Variants in BIN1 observed in about 807,000 individuals in gnomAD.
BIN1 encodes myc box-dependent-interacting protein 1.
Under a neutral mutation model 82.0 loss-of-function variants are expected in BIN1, and 53 were observed. The ratio of observed to expected loss-of-function variants is 0.65; its 90% CI spans 0.52 to 0.81. The LOEUF (loss-of-function observed/expected upper bound fraction) is 0.81, where lower values mean the gene tolerates loss of function less well. Among genes scored for constraint, BIN1 ranks in the 40% least tolerant of loss-of-function variants. The pLI, the probability that BIN1 is intolerant of heterozygous loss-of-function variation, is 0.00. For missense variants in BIN1, 642 were observed against 784.4 expected (o/e 0.82, Z 2.17); for synonymous variants, 302 against 328.0 (o/e 0.92, Z 0.86).
In BIN1 at chr2:127,082,502, A is replaced by G. The variant is rs2105201835; in HGVS notation, c.85-5796T>C. Among the ~76,000 whole-genome samples the G allele has an allele frequency of 6.6e-6, 1 of 152,074 alleles. No homozygotes were observed. Among genetic ancestry groups the G allele is most frequent in the Non-Finnish European group, 1.5e-5 (1 of 67,964 alleles). ...CCATGGTGGGCGCCCAGGCAGGGGAAGGGGTACAAGGCCCTCTGCCTCCCC... is the reference window on the plus strand; with the variant it reads ...CCATGGTGGGCGCCCAGGCAGGGGAGGGGGTACAAGGCCCTCTGCCTCCCC... On this transcript the variant is annotated intron_variant, in intron 1 of 18. Coordinates refer to ENST00000316724, the MANE Select transcript of BIN1 (RefSeq NM_139343.3). The surrounding 1 kb of genome is among the most constrained non-coding windows in gnomAD (Gnocchi z 6.1).
Position 127,062,216 on chromosome 2 carries a change from G to A in BIN1, c.775-19C>T, listed in dbSNP as rs943558513. Reference sequence around the variant, plus strand: ...GGTTGAGCTGCAGGAGAGACAGTGAGGAGGTGGGGGGCCTCCAAGGCCACC... The same window carrying A: ...GGTTGAGCTGCAGGAGAGACAGTGAAGAGGTGGGGGGCCTCCAAGGCCACC... On this transcript the variant is annotated intron_variant, in intron 9 of 18. Transcript: ENST00000316724. The A allele has an allele frequency of 1.9e-6, 3 of 1,589,100 alleles. No individual in the cohort carries two copies. Among genetic ancestry groups the A allele is most frequent in the Non-Finnish European group, 2.6e-6 (3 of 1,166,960 alleles).
At chr2:127,064,042 C>T (rs1274900299) in intron 7 of BIN1, 24 bp from the exon 8 acceptor site, 1 of 1,613,602 alleles carries the variant, frequency 6.2e-7, no homozygotes. Context: ...CGGGTCATTC[C>T]CCTCTGTTGG....
chr2:127,056,807 C>G (rs1273292871), intron 12 of BIN1, among the ~76,000 whole-genome samples: 3 of 152,254 alleles, frequency 2.0e-5, no homozygotes, highest in African/African-American at 7.2e-5. Context: ...CCAGCCCGAC[C>G]TCCACCATGA....
At chr2:127,091,847 T>C (rs1442962967) in intron 1 of BIN1, among the ~76,000 whole-genome samples, 1 of 152,006 alleles carries the variant, frequency 6.6e-6, no homozygotes, top group Non-Finnish European at 1.5e-5. Flanking sequence ...CAGCAAGCTA[T>C]GATTGTGCCA....
intron 11 of BIN1, among the ~76,000 whole-genome samples, chr2:127,058,539 C>T (rs1486239946): frequency 7.3e-6 from 1 of 136,334 alleles, no homozygotes; most frequent in Non-Finnish European, 1.5e-5. Flanking sequence ...ACCCCACACC[C>T]TCCTCTGAGC....
chr2:127,072,782 A>T (rs1474262228), intron 2 of BIN1, among the ~76,000 whole-genome samples: 1 of 152,200 alleles, frequency 6.6e-6, no homozygotes, highest in Non-Finnish European at 1.5e-5. Flanking sequence ...ACCTCCCTGG[A>T]ATTCCATCAG....
In BIN1 at chr2:127,062,114, C is replaced by T. The variant is rs112631410; in HGVS notation, c.857+1G>A. The stretch of plus-strand genomic sequence containing the variant: ...GGCGCCAGGGCTCTCCCCGCACGCA[C>T]CTGGGCTGGGCCTTGACCGTGAAGG... On this transcript the variant is annotated splice_donor_variant, in intron 10 of 18. Coordinates refer to ENST00000316724, the MANE Select transcript of BIN1 (RefSeq NM_139343.3). LOFTEE classifies it high-confidence loss of function. 6.2e-7 allele frequency: 1 copy of T among 1,605,620 alleles called. No individual in the cohort carries two copies. The highest frequency in any genetic ancestry group is 8.5e-7 in the Non-Finnish European group (1 of 1,176,462).
chr2:127,068,405 A>AG lies in BIN1; in HGVS notation c.520-151dup, dbSNP rs1418857212. 3 of 502,518 alleles carry AG rather than the reference A, an allele frequency of 6.0e-6. No homozygotes were observed. Among genetic ancestry groups the AG allele is most frequent in the African/African-American group, 2.0e-5 (1 of 49,984 alleles). The allele number at this position is 502,518 out of a possible 1,614,324, so 31.1% of individuals were successfully genotyped here. A position where few individuals can be genotyped will look rare whatever the true frequency, so the allele number is the denominator to read the frequency against. On this transcript the variant is annotated intron_variant, in intron 6 of 18. Transcript: ENST00000316724. The surrounding 1 kb of genome is among the most constrained non-coding windows in gnomAD (Gnocchi z 4.9). ...ATGGGCCCTTGAGGCCGAGAGAATT[A>AG]GGGGGAGCCCGGGGGGTAAGGAAAG...
At chr2:127,079,275 C>T (rs1444599281) in intron 1 of BIN1, among the ~76,000 whole-genome samples, 1 of 152,260 alleles carries the variant, frequency 6.6e-6, no homozygotes, top group East Asian at 1.9e-4. Flanking sequence ...CAGCTACTCT[C>T]TGAGCCTCAA....
chr2:127,098,994 G>A (rs552706822), intron 1 of BIN1, among the ~76,000 whole-genome samples: 1 of 152,344 alleles, frequency 6.6e-6, no homozygotes, highest in East Asian at 1.9e-4. Flanking sequence ...ACGGGGGAGT[G>A]TGATGAGGAG....
chr2:127,079,478 G>A (rs78827667), intron 1 of BIN1, among the ~76,000 whole-genome samples: 12 of 152,282 alleles, frequency 7.9e-5, no homozygotes, highest in Admixed American at 5.2e-4. Context: ...CCAGGCTGAC[G>A]GCATCCCAAG....
At chr2:127,056,605 T>C (rs889515616) in intron 12 of BIN1, 2 of 152,292 alleles carry the variant, frequency 1.3e-5, no homozygotes, top group African/African-American at 4.8e-5. Context: ...TGGACAGCCT[T>C]CCCTACAGGC....
chr2:127,092,263 G>A (rs1275001813), intron 1 of BIN1, among the ~76,000 whole-genome samples: 1 of 152,180 alleles, frequency 6.6e-6, no homozygotes, highest in Non-Finnish European at 1.5e-5. Context: ...TAAATGTGAA[G>A]GGCTAGAGGG....
In BIN1 at chr2:127,102,689, T is replaced by C. The variant is rs551333193; in HGVS notation, c.84+4171A>G. ...GGGGATTGGGGAAGTCTGGAAGCCA[T>C]GCTTCCAACCTCCCATGCCCACACG... On this transcript the variant is annotated intron_variant, in intron 1 of 18. Transcript: ENST00000316724. 2.0e-4 allele frequency among the ~76,000 whole-genome samples: 31 copies of C among 152,280 alleles called. 2 individuals are homozygous for C. The South Asian group carries it at 6.2e-3, about 31-fold the overall frequency.
chr2:127,088,464 G>A (rs1379767399), intron 1 of BIN1, among the ~76,000 whole-genome samples: 2 of 152,124 alleles, frequency 1.3e-5, no homozygotes, highest in African/African-American at 2.4e-5. Context: ...GGACGGGTGC[G>A]GTGGCTCACA....
intron 1 of BIN1, 146 bp downstream of exon 1, chr2:127,106,714 G>C: frequency 1.0e-6 from 1 of 994,492 alleles, no homozygotes; most frequent in Non-Finnish European, 1.4e-6. Context: ...TGGGGACCTC[G>C]AAGCCCCTCG....
intron 10 of BIN1, chr2:127,060,577 C>T: frequency 2.5e-6 from 4 of 1,614,090 alleles, no homozygotes; most frequent in South Asian, 1.1e-5. Flanking sequence ...CGCCCCTCCG[C>T]AGCACTCACT....
chr2:127,072,384 G>C (rs1006237353), intron 2 of BIN1, among the ~76,000 whole-genome samples: 5 of 152,220 alleles, frequency 3.3e-5, no homozygotes, highest in Non-Finnish European at 5.9e-5. Flanking sequence ...TGACAGCAAA[G>C]AAGCGGACAG....
Position 127,063,971 on chromosome 2 carries a change from A to G in BIN1, c.660T>C (p.Asn220=), listed in dbSNP as rs1573611005. 2.5e-6 allele frequency: 4 copies of G among 1,613,754 alleles called. No homozygotes were observed. Among genetic ancestry groups the G allele is most frequent in the Admixed American group, 3.3e-5 (2 of 60,008 alleles). Residue 220 remains asparagine, a synonymous_variant, in exon 8 of 19, where the codon AAT becomes AAC. Transcript: ENST00000316724. ...ACGGCAGCTCCTCCTGCAGATCCAC[A>G]TTCATCTCCTCAAACACCTTCTGGG... The part of the protein sequence containing the change: ...IKAQKVFEEM[N]VDLQEELPSL...
Sources: allele counts gnomAD v4.1 joint callset (sites outside exome capture counted in the v4.1 genomes callset), GRCh38; gene constraint gnomAD v4.1.1; non-coding constraint Gnocchi (gnomAD v3.1); transcripts MANE v1.5; gene names NCBI Gene and HGNC (gene_info 2026-07-23, HGNC 2026-07-21).